WWOX: variants seen among roughly 807,000 people sequenced by gnomAD.
The protein encoded by WWOX is WW domain-containing oxidoreductase.
WWOX carries 69 observed loss-of-function variants against 46.2 expected under a neutral mutation model. The observed-to-expected ratio is 1.49, with a 90% confidence interval of 1.23 to 1.82. The LOEUF (loss-of-function observed/expected upper bound fraction) is 1.82, where lower values mean the gene tolerates loss of function less well. Ranked by LOEUF, WWOX falls within the 40% of genes most tolerant of loss-of-function variation. The pLI is 0.00. For synonymous variants in WWOX, 359 were observed against 202.6 expected, an observed-to-expected ratio of 1.77 and a Z score of -6.56; for missense variants, 919 against 542.6, an observed-to-expected ratio of 1.69 and a Z score of -6.89.
intron 5 of WWOX, among the ~76,000 whole-genome samples, chr16:78,232,056 G>A (rs2037286863): frequency 6.6e-6 from 1 of 152,056 alleles, no homozygotes; most frequent in Admixed American, 6.6e-5. Flanking sequence ...CAGTCTATTA[G>A]GGGCTACACA....
chr16:78,529,143 C>A (rs1340111654), intron 8 of WWOX, among the ~76,000 whole-genome samples: 1 of 151,258 alleles, frequency 6.6e-6, no homozygotes. Context: ...TTTGTAGATA[C>A]AGGGTCTGAC....
intron 8 of WWOX, among the ~76,000 whole-genome samples, chr16:79,001,384 C>T (rs966183544): frequency 2.6e-5 from 4 of 151,968 alleles, no homozygotes; most frequent in African/African-American, 9.7e-5. Context: ...TCTGGTGGAG[C>T]GAAGGATTTG....
chr16:78,217,216 C>G (rs12051355), intron 5 of WWOX, among the ~76,000 whole-genome samples: 36,948 of 152,106 alleles, frequency 0.24, 5,074 homozygotes, highest in Admixed American at 0.4. Context: ...TCATAAAAGT[C>G]TGTTCCCTTC....
chr16:78,856,926 G>C (rs2052580611), intron 8 of WWOX, among the ~76,000 whole-genome samples: 1 of 152,174 alleles, frequency 6.6e-6, no homozygotes, highest in Admixed American at 6.5e-5. Flanking sequence ...TCCTAGGCTA[G>C]GTAGAGCATA....
intron 5 of WWOX, among the ~76,000 whole-genome samples, 166 bp from the exon 6 acceptor site, chr16:78,386,694 G>A (rs981590620): frequency 2.9e-5 from 4 of 136,818 alleles, no homozygotes; most frequent in African/African-American, 1.1e-4. Flanking sequence ...GAACTTGGCA[G>A]TAAAAGCCCT....
In WWOX at chr16:78,101,346, C is replaced by CTTTTTTTTTTTTTTTTTT. The variant is rs71137871; in HGVS notation, c.107+1478_107+1479insTTTTTTTTTTTTTTTTTT. On this transcript the variant is annotated intron_variant, in intron 1 of 8. Transcript: ENST00000566780. ...ACAGGCGTGAGCTACCGCTCCCGGCCTTTTTTTTTTTTTTTTTAAAGACAG... is the reference window on the plus strand; with the variant it reads ...ACAGGCGTGAGCTACCGCTCCCGGCCTTTTTTTTTTTTTTTTTTTTTTTTTTTTTTTTTTTAAAGACAG... Among the ~76,000 whole-genome samples, 232 of 66,836 alleles carry CTTTTTTTTTTTTTTTTTT rather than the reference C, an allele frequency of 3.5e-3. 27 individuals carry two copies. The highest frequency in any genetic ancestry group is 9.5e-3 in the African/African-American group (210 of 22,058). 43.8% of individuals were successfully genotyped at this position (66,836 alleles called of 152,430 possible). A position where few individuals can be genotyped will look rare whatever the true frequency, so the allele number is the denominator to read the frequency against.
intron 5 of WWOX, among the ~76,000 whole-genome samples, chr16:78,296,534 AT>A (rs1203828549): frequency 6.6e-6 from 1 of 150,858 alleles, no homozygotes; most frequent in Non-Finnish European, 1.5e-5. Flanking sequence ...TATTATTTTC[AT>A]TTTCTAAAAT....
chr16:78,552,748 T>TTCATTAA (rs1289010325), intron 8 of WWOX: 1 of 152,276 alleles, frequency 6.6e-6, no homozygotes, highest in Non-Finnish European at 1.5e-5. Flanking sequence ...TTACTCATTC[T>TTCATTAA]TTATTCCTTC....
intron 8 of WWOX, among the ~76,000 whole-genome samples, chr16:78,877,585 T>C (rs973710813): frequency 3.9e-5 from 6 of 152,250 alleles, no homozygotes; most frequent in Admixed American, 2.6e-4. Context: ...GTGGCACTTA[T>C]TATATCACAT....
At chr16:78,146,652 G>C (rs1189377706) in intron 4 of WWOX, among the ~76,000 whole-genome samples, 1 of 152,130 alleles carries the variant, frequency 6.6e-6, no homozygotes, top group East Asian at 1.9e-4. Context: ...CTCCTTCCCA[G>C]CTCTCCCTTC....
chr16:78,326,903 T>A (rs1320023254), intron 5 of WWOX, among the ~76,000 whole-genome samples: 1 of 152,282 alleles, frequency 6.6e-6, no homozygotes, highest in East Asian at 1.9e-4. Flanking sequence ...TACTGAAGTT[T>A]CTCACCATGG....
intron 8 of WWOX, among the ~76,000 whole-genome samples, chr16:78,719,336 C>T (rs781247219): frequency 5.3e-5 from 8 of 152,326 alleles, no homozygotes; most frequent in East Asian, 1.9e-4. Context: ...CTGCTCATTC[C>T]TCCCGTGAGA....
intron 8 of WWOX, among the ~76,000 whole-genome samples, chr16:78,499,334 C>T (rs967979333): frequency 6.6e-6 from 1 of 152,178 alleles, no homozygotes; most frequent in African/African-American, 2.4e-5. Flanking sequence ...TGTAGTCTTT[C>T]TGGATGGGTT....
intron 8 of WWOX, among the ~76,000 whole-genome samples, chr16:79,140,787 A>G (rs2050074032): frequency 6.6e-6 from 1 of 152,162 alleles, no homozygotes; most frequent in Admixed American, 6.5e-5. Context: ...TGCTTGTTTC[A>G]TCAAGCTGAC....
chr16:78,431,565 A>T (rs1312013413), intron 7 of WWOX, among the ~76,000 whole-genome samples: 1 of 152,164 alleles, frequency 6.6e-6, no homozygotes, highest in African/African-American at 2.4e-5. Context: ...TAATTTAATT[A>T]TCTTTGAACT....
At chr16:78,137,097 A>AG (rs950241543) in intron 4 of WWOX, among the ~76,000 whole-genome samples, 2 of 152,190 alleles carry the variant, frequency 1.3e-5, no homozygotes, top group African/African-American at 4.8e-5. Context: ...TGAGTGGCAG[A>AG]GGGGGTCAGG....
chr16:78,609,334 G>T (rs1381559058), intron 8 of WWOX, among the ~76,000 whole-genome samples: 2 of 152,050 alleles, frequency 1.3e-5, no homozygotes, highest in African/African-American at 4.8e-5. Context: ...GGGAGGCTTA[G>T]CACTGATGTA....
chr16:78,558,418 C>T (rs1406775197), intron 8 of WWOX, among the ~76,000 whole-genome samples: 2 of 152,214 alleles, frequency 1.3e-5, no homozygotes, highest in Non-Finnish European at 2.9e-5. Context: ...TTGGGATTTC[C>T]TGCTTATCTC....
intron 4 of WWOX, among the ~76,000 whole-genome samples, chr16:78,141,084 T>C (rs1448981134): frequency 6.6e-6 from 1 of 152,176 alleles, no homozygotes; most frequent in East Asian, 1.9e-4. Flanking sequence ...CATCAGACAT[T>C]AGGAACCAAG....
Sources: allele counts gnomAD v4.1 joint callset (sites outside exome capture counted in the v4.1 genomes callset), GRCh38; gene constraint gnomAD v4.1.1; transcripts MANE v1.5; gene names NCBI Gene and HGNC (gene_info 2026-07-23, HGNC 2026-07-21).